The following PLB1 variants were observed in gnomAD, a reference collection of about 807,000 sequenced individuals.
PLB1 encodes the protein phospholipase B1, also known as phospholipase B1, membrane-associated.
A neutral mutation model predicts 227.4 loss-of-function variants in PLB1; 242 were observed. The observed-to-expected ratio is 1.06, with a 90% confidence interval of 0.96 to 1.18. The LOEUF (loss-of-function observed/expected upper bound fraction) is 1.18, where lower values mean the gene tolerates loss of function less well. PLB1 is among the 50% of genes most tolerant of loss of function. The pLI, the probability that PLB1 is intolerant of heterozygous loss-of-function variation, is 0.00. For synonymous variants in PLB1, 757 were observed against 682.2 expected (o/e 1.11, Z -1.71); for missense variants, 1,858 against 1,816.3 (o/e 1.02, Z -0.42).
chr2:28,553,737 T>A (rs1316145675), intron 17 of PLB1, among the ~76,000 whole-genome samples: 1 of 152,218 alleles, frequency 6.6e-6, no homozygotes, highest in Non-Finnish European at 1.5e-5. Flanking sequence ...GTTCGTTTAT[T>A]TACTCATTTG....
chr2:28,635,948 C>T (rs1322093568), intron 56 of PLB1, among the ~76,000 whole-genome samples: 1 of 152,162 alleles, frequency 6.6e-6, no homozygotes, highest in Admixed American at 6.5e-5. Flanking sequence ...TCGTGACTCT[C>T]AGCTCTGGCT....
chr2:28,575,522 G>T (rs1476048545), intron 21 of PLB1, among the ~76,000 whole-genome samples: 1 of 152,118 alleles, frequency 6.6e-6, no homozygotes, highest in Non-Finnish European at 1.5e-5. Context: ...CATTGCCAGT[G>T]GGAAAGGTGA....
chr2:28,543,889 G>A (rs1181843962), intron 14 of PLB1, among the ~76,000 whole-genome samples: 2 of 152,206 alleles, frequency 1.3e-5, no homozygotes, highest in African/African-American at 4.8e-5. Context: ...GATTCCAAAG[G>A]GCCCCCAGGG....
chr2:28,572,050 TA>T (rs1678104399), intron 20 of PLB1, among the ~76,000 whole-genome samples: 1 of 152,194 alleles, frequency 6.6e-6, no homozygotes, highest in African/African-American at 2.4e-5. Context: ...CTAGAAATTA[TA>T]AAGAACTCTT....
chr2:28,583,822 G>A (rs1258245531), intron 25 of PLB1, among the ~76,000 whole-genome samples: 1 of 150,436 alleles, frequency 6.6e-6, no homozygotes, highest in Non-Finnish European at 1.5e-5. Context: ...GGCTTAAAAC[G>A]ATAGCCATAG....
At chr2:28,633,224 C>T (rs1688889240) in intron 56 of PLB1, 185 bp downstream of exon 56, 1 of 571,402 alleles carries the variant, frequency 1.8e-6, no homozygotes, top group Non-Finnish European at 3.1e-6. Flanking sequence ...TATCCAACAC[C>T]CTTTGAAAGT....
chr2:28,608,749 C>T (rs1198937379), intron 43 of PLB1, among the ~76,000 whole-genome samples: 1 of 152,214 alleles, frequency 6.6e-6, no homozygotes, highest in Non-Finnish European at 1.5e-5. Context: ...TCAAAAGTCA[C>T]CACCTCCCCC....
intron 49 of PLB1, among the ~76,000 whole-genome samples, chr2:28,622,514 T>C (rs1445305691): frequency 6.6e-6 from 1 of 152,232 alleles, no homozygotes; most frequent in Non-Finnish European, 1.5e-5. Flanking sequence ...TTTCAAAGTT[T>C]TTTTCATCTA....
intron 17 of PLB1, among the ~76,000 whole-genome samples, chr2:28,557,669 C>T (rs1445801078): frequency 6.6e-6 from 1 of 152,126 alleles, no homozygotes; most frequent in Non-Finnish European, 1.5e-5. Context: ...CTGTAGAAAT[C>T]GTGATGAGTT....
intron 46 of PLB1, among the ~76,000 whole-genome samples, chr2:28,619,221 CG>C (rs1478728240): frequency 6.6e-6 from 1 of 152,104 alleles, no homozygotes; most frequent in Non-Finnish European, 1.5e-5. Context: ...GATAGGCCCC[CG>C]TGTGCGTTGT....
chr2:28,639,411 T>C (rs541885814), intron 56 of PLB1, among the ~76,000 whole-genome samples: 15 of 151,736 alleles, frequency 9.9e-5, no homozygotes, highest in Non-Finnish European at 1.9e-4. Flanking sequence ...CATCCAGCGA[T>C]GGAGACTGCA....
intron 17 of PLB1, among the ~76,000 whole-genome samples, chr2:28,557,301 G>T (rs150019211): frequency 2.6e-5 from 4 of 152,246 alleles, no homozygotes; most frequent in Admixed American, 6.5e-5. Flanking sequence ...TGGAAGGCAC[G>T]CATTGGTTCA....
At chr2:28,577,675 T>G (rs1679209315) in intron 21 of PLB1, among the ~76,000 whole-genome samples, 1 of 152,124 alleles carries the variant, frequency 6.6e-6, no homozygotes, top group South Asian at 2.1e-4. Context: ...ACCCCATCTC[T>G]ACTAAAAATA....
At chr2:28,576,527 C>T (rs13034317) in intron 21 of PLB1, among the ~76,000 whole-genome samples, 8,910 of 152,200 alleles carry the variant, frequency 0.059, 337 homozygotes, top group Non-Finnish European at 0.08. Context: ...GTCAGGAGTT[C>T]GAGATCAGTC....
intron 43 of PLB1, among the ~76,000 whole-genome samples, chr2:28,610,326 T>A (rs866055827): frequency 3.3e-5 from 5 of 150,560 alleles, no homozygotes; most frequent in Middle Eastern, 3.2e-3. Context: ...TTTTTTTTTT[T>A]AATTAATAGT....
At chr2:28,641,106 C>G (rs753804755) in intron 57 of PLB1, 105 bp downstream of exon 57, 10 of 1,042,368 alleles carry the variant, frequency 9.6e-6, no homozygotes, top group Middle Eastern at 2.5e-4. Context: ...CCCTCAAATG[C>G]GGCTTCACTC....
At chr2:28,591,476 C>A (rs536169465) in intron 30 of PLB1, among the ~76,000 whole-genome samples, 1 of 152,324 alleles carries the variant, frequency 6.6e-6, no homozygotes, top group Non-Finnish European at 1.5e-5. Context: ...TGCCCTGATT[C>A]TTGCATTGGA....
In PLB1 at chr2:28,589,679, G is replaced by A. The variant is rs756453039; in HGVS notation, c.1925G>A (p.Gly642Glu). The A allele has an allele frequency of 4.8e-5, 77 of 1,614,098 alleles. No homozygotes were observed. Among genetic ancestry groups the A allele is most frequent in the Non-Finnish European group, 6.4e-5 (76 of 1,179,990 alleles). The change falls in exon 28 of 58, where the codon GGA (glycine) becomes GAA (glutamate). Residue 642 changes from glycine (G) to glutamate (E), a missense_variant. Physicochemically the swap from Gly to Glu is moderately conservative, Grantham distance 98. Coordinates refer to ENST00000327757, the MANE Select transcript of PLB1 (RefSeq NM_153021.5). Reference protein sequence around the residue: ...ENVDMPKTSEGLPDNSFFAPD... With the variant: ...ENVDMPKTSEELPDNSFFAPD... The stretch of plus-strand genomic sequence containing the variant: ...CTTTTTCTGCCCGGTGACCAGGAAG[G>A]ATTGCCTGACAACTCTTTCTTCGCT...
intron 4 of PLB1, among the ~76,000 whole-genome samples, chr2:28,523,006 C>T (rs1558663944): frequency 6.6e-6 from 1 of 152,246 alleles, no homozygotes; most frequent in Middle Eastern, 3.4e-3. Context: ...CATTCTGTAA[C>T]CTAGGTATAC....
Sources: allele counts gnomAD v4.1 joint callset (sites outside exome capture counted in the v4.1 genomes callset), GRCh38; gene constraint gnomAD v4.1.1; transcripts MANE v1.5; gene names NCBI Gene and HGNC (gene_info 2026-07-23, HGNC 2026-07-21).